PPP1R12B: variants seen among roughly 807,000 people sequenced by gnomAD.
The protein encoded by PPP1R12B is myosin phosphatase target subunit 2.
In PPP1R12B, 76 loss-of-function variants were observed where a neutral mutation model predicts 126.1. The observed-to-expected ratio is 0.60, with a 90% CI of 0.50 to 0.73. The LOEUF (loss-of-function observed/expected upper bound fraction) is 0.73. Ranked by LOEUF, PPP1R12B falls within the 30% of genes least tolerant of loss-of-function variation. The probability of loss-of-function intolerance (pLI) is 0.00; values close to 1 mark genes in which losing one functional copy is unlikely to be tolerated. For missense variants in PPP1R12B, 1,052 were observed against 1,205.1 expected (o/e 0.87, Z 1.88); for synonymous variants, 356 against 434.7 (o/e 0.82, Z 2.25).
chr1:202,550,047 CTA>C (rs1383074128), intron 18 of PPP1R12B, among the ~76,000 whole-genome samples: 1 of 152,044 alleles, frequency 6.6e-6, no homozygotes, highest in Non-Finnish European at 1.5e-5. Flanking sequence ...TTGCAATTTG[CTA>C]GTATATTGGT....
At chr1:202,426,222 T>C (rs928709524) in intron 4 of PPP1R12B, among the ~76,000 whole-genome samples, 7 of 152,232 alleles carry the variant, frequency 4.6e-5, no homozygotes, top group African/African-American at 1.7e-4. Context: ...ATGCTTCTTG[T>C]AGCTCTTGGT....
At chr1:202,470,306 C>T (rs1675672161) in intron 13 of PPP1R12B, among the ~76,000 whole-genome samples, 1 of 152,070 alleles carries the variant, frequency 6.6e-6, no homozygotes, top group African/African-American at 2.4e-5. Flanking sequence ...CTGAGGAGTA[C>T]CTGTGCTTTC....
rs1571880436 is a variant in PPP1R12B at position 202,409,999 on chromosome 1, TTTG to T, written c.292-6781_292-6779del. The stretch of plus-strand genomic sequence containing the variant: ...CATTTTTGAATCAGGTTGTTTATTT[TTTG>T]TTGTTGAGTTTTAGGAGTTCTCGAT... On this transcript the variant is annotated intron_variant, in intron 1 of 23. Transcript: ENST00000608999. 3 of 152,300 alleles carry T rather than the reference TTTG, an allele frequency of 2.0e-5. No individual in the cohort carries two copies. In the East Asian group the frequency reaches 5.8e-4, roughly 29 times the overall value. 9.4% of individuals were successfully genotyped at this position (152,300 alleles called of 1,614,324 possible). A position where few individuals can be genotyped will look rare whatever the true frequency, so the allele number is the denominator to read the frequency against.
intron 1 of PPP1R12B, among the ~76,000 whole-genome samples, chr1:202,372,018 C>T (rs1343629645): frequency 6.6e-6 from 1 of 151,688 alleles, no homozygotes; most frequent in Admixed American, 6.6e-5. Context: ...ATTACAGGCA[C>T]GTGCCACCAC....
chr1:202,542,702 C>T lies in PPP1R12B; in HGVS notation c.2491-16175C>T, dbSNP rs552937789. On this transcript the variant is annotated intron_variant, in intron 18 of 23. Transcript: ENST00000608999. Reference sequence around the variant, plus strand: ...GGTTCTCAAATCCCAGTCATACTCTCTGGGACCATGGAGCCCACAGAACCT... The same window carrying T: ...GGTTCTCAAATCCCAGTCATACTCTTTGGGACCATGGAGCCCACAGAACCT... Among the ~76,000 whole-genome samples, 6 of 152,310 alleles carry T rather than the reference C, an allele frequency of 3.9e-5. No homozygotes were observed. The East Asian group carries it at 1.2e-3, about 29-fold the overall frequency.
intron 12 of PPP1R12B, among the ~76,000 whole-genome samples, chr1:202,447,495 A>T (rs1313142935): frequency 6.6e-6 from 1 of 152,168 alleles, no homozygotes; most frequent in East Asian, 1.9e-4. Context: ...TCTCTATTTT[A>T]TCAATGAAGA....
chr1:202,551,137 T>C lies in PPP1R12B; in HGVS notation c.2491-7740T>C, dbSNP rs1686274139. 3.9e-5 allele frequency among the ~76,000 whole-genome samples: 6 copies of C among 152,212 alleles called. No homozygotes were observed. The South Asian group carries it at 1.2e-3, about 32-fold the overall frequency. On this transcript the variant is annotated intron_variant, in intron 18 of 23. Coordinates refer to ENST00000608999, the MANE Select transcript of PPP1R12B (RefSeq NM_002481.4). ...GTGAGATGATGTTACATGATATCAT[T>C]TTTACATGCCTTAAATTGATAGGGT...
intron 13 of PPP1R12B, among the ~76,000 whole-genome samples, chr1:202,477,937 A>C (rs1676875959): frequency 6.6e-6 from 1 of 152,254 alleles, no homozygotes; most frequent in Admixed American, 6.5e-5. Flanking sequence ...ATGCTACTAA[A>C]CTGTGAGTGT....
chr1:202,442,654 C>T, intron 12 of PPP1R12B, 82 bp downstream of exon 12: 9 of 1,344,194 alleles, frequency 6.7e-6, no homozygotes, highest in Non-Finnish European at 9.0e-6. Flanking sequence ...CTTTTTATGT[C>T]CAATTAACAC....
At chr1:202,484,616 T>C (rs1438000382) in intron 13 of PPP1R12B, among the ~76,000 whole-genome samples, 1 of 152,244 alleles carries the variant, frequency 6.6e-6, no homozygotes, top group Non-Finnish European at 1.5e-5. Flanking sequence ...AAAATAATTA[T>C]AATCTTTTAT....
chr1:202,492,788 C>T (rs1486175669), intron 14 of PPP1R12B, among the ~76,000 whole-genome samples: 2 of 151,876 alleles, frequency 1.3e-5, no homozygotes, highest in Admixed American at 6.6e-5. Flanking sequence ...GGGTAGGGAC[C>T]TTTCAAATAA....
chr1:202,473,825 T>C, intron 13 of PPP1R12B: 1 of 476,686 alleles, frequency 2.1e-6, no homozygotes. Context: ...AGTGCAAGCC[T>C]TTTCCAGTTT....
rs1225508412 is a variant in PPP1R12B, at chr1:202,590,937, C to T, written c.*10377C>T. 6.6e-6 allele frequency: 1 copy of T among 152,226 alleles called. No homozygotes were observed. Among genetic ancestry groups the T allele is most frequent in the Non-Finnish European group, 1.5e-5 (1 of 68,098 alleles). The allele number at this position is 152,226 out of a possible 1,614,324, so 9.4% of individuals were successfully genotyped here. On this transcript the variant is annotated 3_prime_UTR_variant, in exon 24 of 24. Transcript: ENST00000608999. The stretch of plus-strand genomic sequence containing the variant: ...TCTTTGAAGAGGCCCCCCTAAAGTC[C>T]TGATCGCTAAGGCAGGTGGGATGGA...
intron 18 of PPP1R12B, among the ~76,000 whole-genome samples, chr1:202,532,728 C>T (rs1684083334): frequency 6.6e-6 from 1 of 151,922 alleles, no homozygotes; most frequent in African/African-American, 2.4e-5. Context: ...AAAAGAAAGT[C>T]ACTTCCTTGT....
chr1:202,439,755 G>C lies in PPP1R12B; in HGVS notation c.1459-951G>C, dbSNP rs1051860039. 9.5e-6 allele frequency: 5 copies of C among 527,298 alleles called. No homozygotes were observed. The Admixed American group carries it at 9.5e-5, about 10-fold the overall frequency. 32.7% of individuals were successfully genotyped at this position (527,298 alleles called of 1,614,324 possible). On this transcript the variant is annotated intron_variant, in intron 10 of 23. Transcript: ENST00000608999. ...TGAGGCCCTCTAGGAGGAATGCGCAGAGTGAGGGGGACCTCATTCCTTCAG... is the reference window on the plus strand; with the variant it reads ...TGAGGCCCTCTAGGAGGAATGCGCACAGTGAGGGGGACCTCATTCCTTCAG...
At chr1:202,580,271 A>G (rs188068380) in intron 23 of PPP1R12B, among the ~76,000 whole-genome samples, 2 of 152,380 alleles carry the variant, frequency 1.3e-5, no homozygotes. Context: ...TGGAGTGGCT[A>G]TAATCTCCCT....
At position 202,419,997 on chromosome 1, in the gene PPP1R12B, G is replaced by A. The variant is rs1170298945; in HGVS notation, c.423-2623G>A. 6.6e-6 allele frequency among the ~76,000 whole-genome samples: 1 copy of A among 152,154 alleles called. No individual in the cohort carries two copies. The highest frequency in any genetic ancestry group is 1.5e-5 in the Non-Finnish European group (1 of 68,034). ...ATAGTCAATTAAATGTTCATCTCAC[G>A]CTCAGTAAATCTCACTTTACATAAG... On this transcript the variant is annotated intron_variant, in intron 2 of 23. Transcript: ENST00000608999. This position sits in a 1 kb window ranked among gnomAD's most constrained non-coding sequence, Gnocchi z 4.6.
chr1:202,417,239 G>T, intron 2 of PPP1R12B: 1 of 985,320 alleles, frequency 1.0e-6, no homozygotes, highest in Non-Finnish European at 1.2e-6. Context: ...ATACAGGCAG[G>T]CCTGGAGATG....
rs1491583553 is a variant in PPP1R12B at position 202,588,861 on chromosome 1, A to AGAT, written c.*8302_*8304dup. On this transcript the variant is annotated 3_prime_UTR_variant, in exon 24 of 24. Coordinates refer to ENST00000608999, the MANE Select transcript of PPP1R12B (RefSeq NM_002481.4). Reference sequence around the variant, plus strand: ...TAGATAGATAGATAGATAGATAGATAGATAGATAGATATCAAGGTTCCAAG... The same window carrying AGAT: ...TAGATAGATAGATAGATAGATAGATAGATGATAGATAGATATCAAGGTTCCAAG... The AGAT allele has an allele frequency of 2.1e-5, 3 of 145,348 alleles. No homozygotes were observed. The highest frequency in any genetic ancestry group is 2.1e-4 in the South Asian group (1 of 4,774). The allele number at this position is 145,348 out of a possible 1,614,324, so 9.0% of individuals were successfully genotyped here. A position where few individuals can be genotyped will look rare whatever the true frequency, so the allele number is the denominator to read the frequency against.
Sources: gnomAD v4.1 joint callset for allele counts (sites outside exome capture counted in the v4.1 genomes callset) on GRCh38, gnomAD v4.1.1 for gene constraint, Gnocchi (gnomAD v3.1) non-coding constraint, MANE v1.5 for transcripts, NCBI Gene and HGNC (gene_info 2026-07-23, HGNC 2026-07-21) for gene names.